The following POU5F1B variants were observed in gnomAD, a reference collection of about 807,000 sequenced individuals.
POU5F1B encodes the protein POU domain, class 5, transcription factor 1B.
POU5F1B carries 24 observed loss-of-function variants against 28.1 expected under a neutral mutation model. The observed-to-expected ratio is 0.85, with a 90% CI of 0.62 to 1.20. The LOEUF is 1.20. Ranked by LOEUF, POU5F1B falls within the 50% of genes most tolerant of loss-of-function variation. The pLI, the probability that POU5F1B is intolerant of heterozygous loss-of-function variation, is 0.00. For missense variants in POU5F1B, 451 were observed against 451.5 expected (o/e 1.00, Z 0.01); for synonymous variants, 220 against 193.2 (o/e 1.14, Z -1.15).
chr8:127,416,640 G>C (rs1391932722), exon 3 of POU5F1B: 4 of 1,600,556 alleles, frequency 2.5e-6, no homozygotes, highest in Non-Finnish European at 3.4e-6. Flanking sequence ...CCACACTGCA[G>C]ATCAGCCACA....
exon 3 of POU5F1B, chr8:127,416,329 C>G (rs759119790): frequency 6.2e-7 from 1 of 1,613,244 alleles, no homozygotes; most frequent in East Asian, 2.2e-5. Flanking sequence ...GCTCCTGAAG[C>G]AGAAGAGGAT....
exon 3 of POU5F1B, chr8:127,416,211 C>T (rs746005783): frequency 1.2e-6 from 2 of 1,613,870 alleles, no homozygotes; most frequent in Non-Finnish European, 1.7e-6. Context: ...CGGAACCCTG[C>T]ACCGTCCCCC....
At chr8:127,413,705 A>G (rs910706701) in intron 1 of POU5F1B, among the ~76,000 whole-genome samples, 1 of 152,230 alleles carries the variant, frequency 6.6e-6, no homozygotes, top group African/African-American at 2.4e-5. Flanking sequence ...CTAGGTAGCT[A>G]TACTTACCAG....
rs757507123 is a variant in POU5F1B at position 127,416,594 on chromosome 8, G to A, written c.728G>A (p.Gly243Asp). The A allele has an allele frequency of 8.1e-6, 13 of 1,601,966 alleles. No homozygotes were observed. The South Asian group carries it at 1.2e-4, about 15-fold the overall frequency. Residue 243 changes from glycine (G) to aspartate (D), a missense_variant, in exon 3 of 3, where the codon GGC (glycine) becomes GAC (aspartate). Gly to Asp is a moderately conservative substitution (Grantham distance 94). Transcript: ENST00000465342. ...ACCAGTATCGAGAACCGAGTGAGAG[G>A]CAACCTGGAGAATTTGTTCCTGCAG...
chr8:127,413,685 T>A (rs1030015611), intron 1 of POU5F1B, among the ~76,000 whole-genome samples: 4 of 152,242 alleles, frequency 2.6e-5, no homozygotes, highest in Admixed American at 2.6e-4. Flanking sequence ...ACGATTTTCA[T>A]GGTTCAAATC....
At chr8:127,416,515 C>A (rs1324147832) in exon 3 of POU5F1B, 1 of 1,609,286 alleles carries the variant, frequency 6.2e-7, no homozygotes. Flanking sequence ...CAATGAAAAT[C>A]TTCAGGAGAT....
intron 1 of POU5F1B, among the ~76,000 whole-genome samples, chr8:127,414,026 C>T (rs1032003317): frequency 2.6e-5 from 4 of 152,140 alleles, no homozygotes; most frequent in Admixed American, 6.6e-5. Context: ...TTGACTTAAA[C>T]CTCACAACAG....
At chr8:127,416,112 G>A (rs753148261) in exon 3 of POU5F1B, 1 of 1,613,426 alleles carries the variant, frequency 6.2e-7, no homozygotes, top group Non-Finnish European at 8.5e-7. Context: ...AGGTTGGAGT[G>A]GGGCTAGTGC....
chr8:127,414,360 T>C (rs1393816837), intron 1 of POU5F1B, among the ~76,000 whole-genome samples: 1 of 152,232 alleles, frequency 6.6e-6, no homozygotes, highest in East Asian at 1.9e-4. Flanking sequence ...TGTGTGACTT[T>C]GGTGTTCTGA....
rs754502000 is a variant in POU5F1B, at chr8:127,415,969, TGGCTAAGCTTCCAAG to T, written c.105_119del (p.Trp35_Gly40delinsCys). The T allele has an allele frequency of 8.2e-6, 13 of 1,578,202 alleles. No individual in the cohort carries two copies. The East Asian group carries it at 3.0e-4, about 37-fold the overall frequency. On this transcript the variant is annotated inframe_deletion, in exon 3 of 3. Transcript: ENST00000465342. Reference sequence around the variant, plus strand: ...GCCGGGCTGGGTTGATCCTCTGACCTGGCTAAGCTTCCAAGGCCCTCCTGGAGGGCCAGGAATCGG... The same window carrying T: ...GCCGGGCTGGGTTGATCCTCTGACCTGCCCTCCTGGAGGGCCAGGAATCGG...
Position 127,416,957 on chromosome 8 carries a change from C to T in POU5F1B, c.*11C>T, listed in dbSNP as rs1319112017. 1 of 1,597,454 alleles carries T rather than the reference C, an allele frequency of 6.3e-7. No homozygotes were observed. The highest frequency in any genetic ancestry group is 1.3e-5 in the African/African-American group (1 of 74,718). On this transcript the variant is annotated 3_prime_UTR_variant, in exon 3 of 3. Coordinates refer to ENST00000465342, the Ensembl canonical transcript of POU5F1B. ...ATGCATTCAAACTGAGGTGCCTGCC[C>T]TTCTAGGAATGGGGAACAGGGGAGG...
At chr8:127,416,339 T>C in exon 3 of POU5F1B, 1 of 1,612,514 alleles carries the variant, frequency 6.2e-7, no homozygotes, top group Non-Finnish European at 8.5e-7. Flanking sequence ...CAGAAGAGGA[T>C]CACCCTGGGA....
chr8:127,415,524 T>C (rs890531503), exon 3 of POU5F1B: 8 of 258,576 alleles, frequency 3.1e-5, no homozygotes, highest in African/African-American at 1.1e-4. Flanking sequence ...TCTAGCATCA[T>C]GGTATGGCAG....
intron 1 of POU5F1B, among the ~76,000 whole-genome samples, chr8:127,414,094 G>C (rs1035928844): frequency 2.0e-5 from 3 of 152,230 alleles, no homozygotes; most frequent in Non-Finnish European, 2.9e-5. Flanking sequence ...AGGATAACAA[G>C]TGGGAGAATC....
chr8:127,416,064 G>A (rs1160586921), exon 3 of POU5F1B: 5 of 1,611,632 alleles, frequency 3.1e-6, no homozygotes, highest in Non-Finnish European at 3.4e-6. Context: ...GCCCCCCGCC[G>A]TATGAGTTAT....
exon 2 of POU5F1B, chr8:127,415,005 G>A (rs992791164): frequency 6.6e-6 from 1 of 152,272 alleles, no homozygotes; most frequent in East Asian, 1.9e-4. Context: ...AGAAACCGGG[G>A]CCTTTGCCAA....
exon 3 of POU5F1B, chr8:127,417,224 A>C: frequency 3.0e-6 from 1 of 336,138 alleles, no homozygotes; most frequent in Non-Finnish European, 5.5e-6. Flanking sequence ...AGAAAAGAAA[A>C]GTAACATAAT....
At chr8:127,416,522 A>G (rs1248734784) in exon 3 of POU5F1B, 6 of 1,609,136 alleles carry the variant, frequency 3.7e-6, no homozygotes, top group Admixed American at 1.7e-5. Flanking sequence ...AATCTTCAGG[A>G]GATATGCAAA....
Position 127,415,917 on chromosome 8 carries a change from TG to T in POU5F1B, c.56del (p.Gly19ValfsTer15). ...TCGCCTTCTCGCCCCCTCCAGGCGG[TG>T]GGGGTGATGGGCCATGGGGGGCGGA... On this transcript the variant is annotated frameshift_variant, in exon 3 of 3. Transcript: ENST00000465342. LOFTEE classifies it high-confidence loss of function. The T allele has an allele frequency of 1.3e-6, 2 of 1,546,384 alleles. No homozygotes were observed. The highest frequency in any genetic ancestry group is 1.7e-6 in the Non-Finnish European group (2 of 1,145,652).
Sources: gnomAD v4.1 joint callset for allele counts (sites outside exome capture counted in the v4.1 genomes callset) on GRCh38, gnomAD v4.1.1 for gene constraint, MANE v1.5 for transcripts, NCBI Gene and HGNC (gene_info 2026-07-23, HGNC 2026-07-21) for gene names.